Variants in RGS6 observed in about 807,000 individuals in gnomAD.
RGS6 encodes regulator of G protein signaling 6.
Under a neutral mutation model 78.5 loss-of-function variants are expected in RGS6, and 30 were observed. The observed-to-expected ratio is 0.38, with a 90% confidence interval of 0.29 to 0.52. The LOEUF is 0.52. Among genes scored for constraint, RGS6 ranks in the 20% least tolerant of loss-of-function variants. RGS6 has a pLI of 0.85. For missense variants in RGS6, 495 were observed against 609.7 expected (o/e 0.81, Z 1.98); for synonymous variants, 206 against 206.0 (o/e 1.00, Z 0.00).
chr14:72,489,720 A>C (rs1405180971), intron 12 of RGS6, among the ~76,000 whole-genome samples: 76 of 150,844 alleles, frequency 5.0e-4, no homozygotes, highest in African/African-American at 1.6e-3. Context: ...AAAGGAAAGG[A>C]AAGGAGAGGC....
chr14:72,280,442 C>T (rs1296211093), intron 2 of RGS6, among the ~76,000 whole-genome samples: 1 of 152,208 alleles, frequency 6.6e-6, no homozygotes, highest in Non-Finnish European at 1.5e-5. Context: ...TCAGCTGTGC[C>T]ATGCTGGCCA....
intron 2 of RGS6, among the ~76,000 whole-genome samples, chr14:72,176,546 C>T (rs1306274824): frequency 6.6e-6 from 1 of 152,214 alleles, no homozygotes; most frequent in African/African-American, 2.4e-5. Flanking sequence ...CATCCCTTTG[C>T]CCACATATAG....
intron 12 of RGS6, among the ~76,000 whole-genome samples, chr14:72,488,137 A>G (rs1230282269): frequency 6.6e-6 from 1 of 152,222 alleles, no homozygotes; most frequent in African/African-American, 2.4e-5. Context: ...TCCCTCTTCT[A>G]ATACAATAAA....
chr14:72,404,884 C>T (rs531682671), intron 3 of RGS6, among the ~76,000 whole-genome samples: 19 of 152,206 alleles, frequency 1.2e-4, no homozygotes, highest in African/African-American at 3.4e-4. Context: ...TGACAAATCT[C>T]AGTTTCTCCC....
At chr14:72,484,001 C>G (rs529163776) in intron 12 of RGS6, among the ~76,000 whole-genome samples, 1 of 151,884 alleles carries the variant, frequency 6.6e-6, no homozygotes, top group African/African-American at 2.4e-5. Context: ...TAATTAATTG[C>G]TAGGAATCAA....
intron 1 of RGS6, among the ~76,000 whole-genome samples, chr14:71,933,686 G>A (rs2088335036): frequency 6.6e-6 from 1 of 152,196 alleles, no homozygotes; most frequent in Non-Finnish European, 1.5e-5. Context: ...CTGTCATTGA[G>A]ACCAGTAGCA....
chr14:72,092,901 T>TTCCTTTTTCCTACTTTCCTAC (rs2095311477), intron 2 of RGS6, among the ~76,000 whole-genome samples: 1 of 152,146 alleles, frequency 6.6e-6, no homozygotes, highest in Non-Finnish European at 1.5e-5. Context: ...TTTTCCTAGT[T>TTCCTTTTTCCTACTTTCCTAC]TTTACCTAGT....
intron 2 of RGS6, among the ~76,000 whole-genome samples, chr14:72,266,293 G>A (rs1247055126): frequency 3.3e-5 from 5 of 152,162 alleles, no homozygotes; most frequent in Admixed American, 6.5e-5. Flanking sequence ...AAAGTAGTCA[G>A]ACCTCTTTCA....
chr14:72,469,301 G>A (rs1005848826), intron 7 of RGS6, among the ~76,000 whole-genome samples: 1 of 151,394 alleles, frequency 6.6e-6, no homozygotes, highest in African/African-American at 2.4e-5. Context: ...CCACCTCCCG[G>A]GTTCAAGCGA....
chr14:72,494,262 C>T lies in RGS6; in HGVS notation c.855-890C>T, dbSNP rs182530004. ...ATTTTTATCTAGTTTAATAATGTTA[C>T]ACTGACCATTGATTTAACAAAAATT... On this transcript the variant is annotated intron_variant, in intron 12 of 17. Transcript: ENST00000553525. Among the ~76,000 whole-genome samples the T allele has an allele frequency of 5.7e-3, 868 of 152,216 alleles. 6 individuals carry two copies. Among genetic ancestry groups the T allele is most frequent in the South Asian group, 0.013 (64 of 4,822 alleles).
chr14:72,099,431 T>C (rs1183422067), intron 2 of RGS6, among the ~76,000 whole-genome samples: 8 of 152,178 alleles, frequency 5.3e-5, no homozygotes, highest in Non-Finnish European at 1.0e-4. Flanking sequence ...AGTACTGAGA[T>C]GACAGGCATG....
At chr14:72,034,277 A>C (rs577619293) in intron 2 of RGS6, among the ~76,000 whole-genome samples, 70 of 152,214 alleles carry the variant, frequency 4.6e-4, no homozygotes, top group African/African-American at 1.6e-3. Flanking sequence ...TCAGTTTTTC[A>C]CCATTAAGTT....
rs147644390 is a variant in RGS6 at position 72,172,351 on chromosome 14, A to T, written c.85-179744A>T. On this transcript the variant is annotated intron_variant, in intron 2 of 17. Transcript: ENST00000553525. The stretch of plus-strand genomic sequence containing the variant: ...ACAAATGTTATCTTATCCTTACAAC[A>T]CCCTTGAAGCTTAGTAAGTGATATT... 6.6e-3 allele frequency among the ~76,000 whole-genome samples: 1,004 copies of T among 151,152 alleles called. 4 individuals carry two copies. Among genetic ancestry groups the T allele is most frequent in the Non-Finnish European group, 0.011 (754 of 67,836 alleles).
chr14:72,075,147 T>C (rs1345132395), intron 2 of RGS6, among the ~76,000 whole-genome samples: 1 of 152,224 alleles, frequency 6.6e-6, no homozygotes, highest in East Asian at 1.9e-4. Flanking sequence ...TAGTTTCTGA[T>C]TATTTTTCTC....
chr14:72,263,962 G>A (rs777886438), intron 2 of RGS6, among the ~76,000 whole-genome samples: 1 of 152,162 alleles, frequency 6.6e-6, no homozygotes, highest in Non-Finnish European at 1.5e-5. Flanking sequence ...TTTCAGAAAG[G>A]CCATATCGTA....
intron 3 of RGS6, among the ~76,000 whole-genome samples, chr14:72,450,321 C>T (rs934427235): frequency 6.6e-5 from 10 of 151,922 alleles, no homozygotes; most frequent in Admixed American, 1.3e-4. Context: ...TGGTTTGTTC[C>T]CAGTCATCTA....
At chr14:72,264,746 C>G (rs1481429805) in intron 2 of RGS6, among the ~76,000 whole-genome samples, 1 of 152,202 alleles carries the variant, frequency 6.6e-6, no homozygotes, top group African/African-American at 2.4e-5. Flanking sequence ...AGTTTGCAAT[C>G]CTGGGTCTCT....
chr14:72,426,819 A>G (rs1031685076), intron 3 of RGS6, among the ~76,000 whole-genome samples: 1 of 152,248 alleles, frequency 6.6e-6, no homozygotes, highest in Non-Finnish European at 1.5e-5. Context: ...GTCTGGAATA[A>G]TATCTTGTGT....
chr14:72,012,250 T>C (rs2085922183), intron 2 of RGS6, among the ~76,000 whole-genome samples: 1 of 152,238 alleles, frequency 6.6e-6, no homozygotes, highest in South Asian at 2.1e-4. Flanking sequence ...ACCTGTGGTA[T>C]GACCACTCAG....
Sources: allele counts gnomAD v4.1 joint callset (sites outside exome capture counted in the v4.1 genomes callset), GRCh38; gene constraint gnomAD v4.1.1; transcripts MANE v1.5; gene names NCBI Gene and HGNC (gene_info 2026-07-23, HGNC 2026-07-21).